The following PXDNL variants were observed in gnomAD, a reference collection of about 807,000 sequenced individuals.
The protein encoded by PXDNL is peroxidasin like, also known as probable oxidoreductase PXDNL.
In PXDNL, 145 loss-of-function variants were observed where a neutral mutation model predicts 150.8. That is an observed-to-expected ratio of 0.96 (90% CI 0.84 to 1.10). The LOEUF (loss-of-function observed/expected upper bound fraction) is 1.10, where lower values mean the gene tolerates loss of function less well. Among genes scored for constraint, PXDNL ranks in the 50% least tolerant of loss-of-function variants. The pLI, the probability that PXDNL is intolerant of heterozygous loss-of-function variation, is 0.00. For synonymous variants in PXDNL, 757 were observed against 725.7 expected (o/e 1.04, Z -0.69); for missense variants, 2,087 against 1,873.9 (o/e 1.11, Z -2.10).
chr8:51,362,020 C>A (rs1046236423), intron 19 of PXDNL, among the ~76,000 whole-genome samples: 1 of 150,240 alleles, frequency 6.7e-6, no homozygotes, highest in African/African-American at 2.4e-5. Flanking sequence ...ACTAGGGATG[C>A]CTATTGATAG....
intron 5 of PXDNL, among the ~76,000 whole-genome samples, chr8:51,489,640 T>G (rs1167352810): frequency 3.9e-5 from 6 of 152,192 alleles, no homozygotes; most frequent in Non-Finnish European, 7.3e-5. Flanking sequence ...TCATAAAATT[T>G]TAAACCTCTC....
chr8:51,369,653 T>TAA (rs5891407), intron 19 of PXDNL, among the ~76,000 whole-genome samples: 85,974 of 149,048 alleles, frequency 0.58, 28,577 homozygotes, highest in Non-Finnish European at 0.73. Context: ...TATAGTGCCA[T>TAA]AAAAAAAAAA....
At chr8:51,803,893 T>C (rs2037648279) in intron 1 of PXDNL, among the ~76,000 whole-genome samples, 2 of 152,198 alleles carry the variant, frequency 1.3e-5, no homozygotes, top group African/African-American at 4.8e-5. Flanking sequence ...CTCCTGAGCT[T>C]ATATATTTCT....
At chr8:51,485,492 T>G (rs993243793) in intron 5 of PXDNL, among the ~76,000 whole-genome samples, 5 of 152,174 alleles carry the variant, frequency 3.3e-5, no homozygotes, top group African/African-American at 1.2e-4. Context: ...TGCTGCTAAG[T>G]TTAACCAGTA....
At position 51,408,554 on chromosome 8, in the gene PXDNL, C is replaced by T. The variant is rs776261836; in HGVS notation, c.3070G>A (p.Asp1024Asn). The change falls in exon 17 of 23, where the codon GAC becomes AAC. Residue 1024 changes from aspartate to asparagine, a missense_variant. Asp to Asn is a conservative substitution (Grantham distance 23). Transcript: ENST00000356297. ...YSHWLPKVLG[D>N]PGTRMLRGYR... ...CCCCTCAGCATCCTAGTGCCAGGGTCCCCCAGGACCTTAGGCAGCCAGTGG... is the reference window on the plus strand; with the variant it reads ...CCCCTCAGCATCCTAGTGCCAGGGTTCCCCAGGACCTTAGGCAGCCAGTGG... 5 of 1,612,930 alleles carry T rather than the reference C, an allele frequency of 3.1e-6. No homozygotes were observed. The highest frequency in any genetic ancestry group is 2.2e-5 in the South Asian group (2 of 90,874).
intron 1 of PXDNL, among the ~76,000 whole-genome samples, chr8:51,669,803 C>T (rs1815463095): frequency 1.3e-5 from 2 of 152,288 alleles, no homozygotes; most frequent in Admixed American, 6.5e-5. Context: ...GATTTCTTAA[C>T]CATTTATAAA....
intron 5 of PXDNL, among the ~76,000 whole-genome samples, chr8:51,498,344 ATGGGT>A (rs1411756186): frequency 6.6e-6 from 1 of 151,866 alleles, no homozygotes; most frequent in Non-Finnish European, 1.5e-5. Flanking sequence ...TAATGACTTA[ATGGGT>A]GCAGCACACC....
At chr8:51,682,441 G>T (rs1215544718) in intron 1 of PXDNL, among the ~76,000 whole-genome samples, 1 of 152,126 alleles carries the variant, frequency 6.6e-6, no homozygotes, top group Non-Finnish European at 1.5e-5. Flanking sequence ...GGGGTGAGGG[G>T]CCCTTGTAAT....
intron 1 of PXDNL, among the ~76,000 whole-genome samples, chr8:51,717,549 C>A (rs949174009): frequency 6.6e-6 from 1 of 152,192 alleles, no homozygotes; most frequent in Admixed American, 6.5e-5. Flanking sequence ...GTGGGCTTCC[C>A]ATGTTGCAGG....
At chr8:51,431,692 C>G (rs973866509) in intron 12 of PXDNL, among the ~76,000 whole-genome samples, 3 of 152,052 alleles carry the variant, frequency 2.0e-5, no homozygotes, top group Non-Finnish European at 2.9e-5. Context: ...ATTCTTGGTC[C>G]TCTCACCTTC....
chr8:51,696,766 T>TCCACACACACCGG (rs1563510188), intron 1 of PXDNL, among the ~76,000 whole-genome samples: 1 of 2,082 alleles, frequency 4.8e-4, no homozygotes, highest in Non-Finnish European at 1.1e-3. Context: ...CACATAGGTC[T>TCCACACACACCGG]TCACAGGTCC....
chr8:51,615,312 TC>T (rs966843555), intron 2 of PXDNL, among the ~76,000 whole-genome samples: 6 of 152,244 alleles, frequency 3.9e-5, no homozygotes, highest in Non-Finnish European at 4.4e-5. Context: ...GTTTTTTTTT[TC>T]ATCAGTTTCT....
At chr8:51,500,687 A>AAAG (rs2130291823) in intron 4 of PXDNL, among the ~76,000 whole-genome samples, 1 of 152,346 alleles carries the variant, frequency 6.6e-6, no homozygotes, top group African/African-American at 2.4e-5. Flanking sequence ...CTGCAGATAC[A>AAAG]AAGTTTCCAT....
intron 17 of PXDNL, among the ~76,000 whole-genome samples, chr8:51,398,470 G>C (rs1808154810): frequency 6.6e-6 from 1 of 152,224 alleles, no homozygotes; most frequent in Admixed American, 6.5e-5. Context: ...GGTGATGGCT[G>C]TAACACCTCA....
Position 51,448,561 on chromosome 8 carries a change from C to T in PXDNL, c.1366+441G>A, listed in dbSNP as rs561494816. On this transcript the variant is annotated intron_variant, in intron 11 of 22. Coordinates refer to ENST00000356297, the MANE Select transcript of PXDNL (RefSeq NM_144651.5). ...CTATTAAAAATACAGAAAAAGTAGCCGGGCGTGGTGGCGGGCACCTGTAGT... is the reference window on the plus strand; with the variant it reads ...CTATTAAAAATACAGAAAAAGTAGCTGGGCGTGGTGGCGGGCACCTGTAGT... Among the ~76,000 whole-genome samples the T allele has an allele frequency of 3.3e-5, 5 of 152,050 alleles. No homozygotes were observed. In the South Asian group the frequency reaches 1.0e-3, roughly 32 times the overall value.
At chr8:51,419,850 T>C (rs1434904532) in intron 14 of PXDNL, among the ~76,000 whole-genome samples, 1 of 152,220 alleles carries the variant, frequency 6.6e-6, no homozygotes, top group East Asian at 1.9e-4. Context: ...TAATATTTGC[T>C]GATATAAAAT....
At chr8:51,769,242 T>G (rs2037264664) in intron 1 of PXDNL, among the ~76,000 whole-genome samples, 1 of 152,224 alleles carries the variant, frequency 6.6e-6, no homozygotes, top group African/African-American at 2.4e-5. Flanking sequence ...TGCTAACTGC[T>G]CCTCAGAATT....
chr8:51,396,049 C>T (rs1336584581), intron 17 of PXDNL, among the ~76,000 whole-genome samples: 1 of 152,212 alleles, frequency 6.6e-6, no homozygotes, highest in Non-Finnish European at 1.5e-5. Flanking sequence ...ACTAATGGAT[C>T]TTAGCTGCAC....
intron 2 of PXDNL, among the ~76,000 whole-genome samples, chr8:51,640,350 C>T (rs1443667280): frequency 5.9e-5 from 9 of 152,050 alleles, no homozygotes; most frequent in Non-Finnish European, 1.3e-4. Flanking sequence ...GAAGTTCTGG[C>T]CAGGGCAATT....
Sources: gnomAD v4.1 joint callset for allele counts (sites outside exome capture counted in the v4.1 genomes callset) on GRCh38, gnomAD v4.1.1 for gene constraint, MANE v1.5 for transcripts, NCBI Gene and HGNC (gene_info 2026-07-23, HGNC 2026-07-21) for gene names.